FLRT2: variants seen among roughly 807,000 people sequenced by gnomAD.
FLRT2 encodes leucine-rich repeat transmembrane protein FLRT2.
Under a neutral mutation model 40.0 loss-of-function variants are expected in FLRT2, and 15 were observed. The observed-to-expected ratio is 0.38, with a 90% CI of 0.25 to 0.58. The LOEUF (loss-of-function observed/expected upper bound fraction) is 0.58, where lower values mean the gene tolerates loss of function less well. FLRT2 is among the 20% of genes least tolerant of loss of function. FLRT2 has a pLI of 0.71. For synonymous variants in FLRT2, 380 were observed against 336.8 expected, an observed-to-expected ratio of 1.13 and a Z score of -1.41; for missense variants, 726 against 840.0, an observed-to-expected ratio of 0.86 and a Z score of 1.68.
At chr14:85,599,066 C>T (rs1448184794) in intron 1 of FLRT2, among the ~76,000 whole-genome samples, 8 of 151,752 alleles carry the variant, frequency 5.3e-5, no homozygotes, top group Non-Finnish European at 1.2e-4. Context: ...TACAGGCTCC[C>T]GTCATCATGC....
chr14:85,575,240 G>A (rs757188404), intron 1 of FLRT2, among the ~76,000 whole-genome samples: 1 of 152,176 alleles, frequency 6.6e-6, no homozygotes, highest in Non-Finnish European at 1.5e-5. Flanking sequence ...GGGTGCTTTG[G>A]GGTGGAATGT....
Position 85,636,753 on chromosome 14 carries a change from A to C in FLRT2, c.*13256A>C, listed in dbSNP as rs1894013456. 6.6e-6 allele frequency: 1 copy of C among 151,882 alleles called. No homozygotes were observed. Among genetic ancestry groups the C allele is most frequent in the Non-Finnish European group, 1.5e-5 (1 of 67,986 alleles). The allele number at this position is 151,882 out of a possible 1,614,324, so 9.4% of individuals were successfully genotyped here. A position where few individuals can be genotyped will look rare whatever the true frequency, so the allele number is the denominator to read the frequency against. ...AGACTAGCTTGGCCAACATGGTGAAAGCCCGCCTTTACTAAAAATACAAAA... is the reference window on the plus strand; with the variant it reads ...AGACTAGCTTGGCCAACATGGTGAACGCCCGCCTTTACTAAAAATACAAAA... On this transcript the variant is annotated 3_prime_UTR_variant, in exon 2 of 2. Transcript: ENST00000330753.
In FLRT2 at chr14:85,636,219, G is replaced by A. The variant is rs759326891; in HGVS notation, c.*12722G>A. 8 of 151,694 alleles carry A rather than the reference G, an allele frequency of 5.3e-5. No individual in the cohort carries two copies. The highest frequency in any genetic ancestry group is 8.8e-5 in the Non-Finnish European group (6 of 67,910). The allele number at this position is 151,694 out of a possible 1,614,324, so 9.4% of individuals were successfully genotyped here. ...TTTTAAAGTTAGTTTTAAATATTAT[G>A]CTACCTCTATAAAGGACCAAAATAG... is the stretch of plus-strand genomic sequence containing the variant. On this transcript the variant is annotated 3_prime_UTR_variant, in exon 2 of 2. Transcript: ENST00000330753.
At chr14:85,584,547 G>T (rs1891530534) in intron 1 of FLRT2, among the ~76,000 whole-genome samples, 2 of 152,142 alleles carry the variant, frequency 1.3e-5, no homozygotes, top group Admixed American at 1.3e-4. Context: ...GTGTCTTTCA[G>T]GACATGACAG....
chr14:85,568,358 T>G (rs1172316226), intron 1 of FLRT2, among the ~76,000 whole-genome samples: 1 of 152,074 alleles, frequency 6.6e-6, no homozygotes, highest in African/African-American at 2.4e-5. Flanking sequence ...AAATGCTTAT[T>G]GTAAGGAGAG....
rs1566774313 is a variant in FLRT2 at position 85,643,188 on chromosome 14, TACAGTCCATA to T, written c.*19696_*19705del. The T allele has an allele frequency of 6.6e-6, 1 of 152,166 alleles. No homozygotes were observed. The highest frequency in any genetic ancestry group is 1.5e-5 in the Non-Finnish European group (1 of 68,046). The allele number at this position is 152,166 out of a possible 1,614,324, so 9.4% of individuals were successfully genotyped here. On this transcript the variant is annotated 3_prime_UTR_variant, in exon 2 of 2. Coordinates refer to ENST00000330753, the MANE Select transcript of FLRT2 (RefSeq NM_013231.6). ...TATGAAATTTAGGGGCACATAAATATACAGTCCATAACAGGGAGATAGGAACATTGGAGTA... is the reference window on the plus strand; with the variant it reads ...TATGAAATTTAGGGGCACATAAATATACAGGGAGATAGGAACATTGGAGTA...
intron 1 of FLRT2, among the ~76,000 whole-genome samples, chr14:85,563,592 A>G (rs955513582): frequency 2.0e-5 from 3 of 152,054 alleles, no homozygotes; most frequent in Admixed American, 1.3e-4. Context: ...TTAAAAAACC[A>G]GATCTCCCAA....
At chr14:85,547,909 G>A (rs576451640) in intron 1 of FLRT2, among the ~76,000 whole-genome samples, 1 of 152,192 alleles carries the variant, frequency 6.6e-6, no homozygotes, top group Non-Finnish European at 1.5e-5. Flanking sequence ...CAGATCATAG[G>A]TAGATGAGAG....
chr14:85,545,235 T>C (rs1170908253), intron 1 of FLRT2, among the ~76,000 whole-genome samples: 3 of 152,292 alleles, frequency 2.0e-5, no homozygotes, highest in Non-Finnish European at 4.4e-5. Context: ...TTAATAATGA[T>C]ATTGATCGTA....
chr14:85,585,473 T>C (rs964730305), intron 1 of FLRT2, among the ~76,000 whole-genome samples: 12 of 152,174 alleles, frequency 7.9e-5, no homozygotes, highest in African/African-American at 2.9e-4. Context: ...GTAAACCTTT[T>C]TATTTCTGAT....
intron 1 of FLRT2, among the ~76,000 whole-genome samples, chr14:85,616,064 G>T (rs1423278533): frequency 1.3e-5 from 2 of 152,116 alleles, no homozygotes; most frequent in African/African-American, 4.8e-5. Context: ...TTACAATAAA[G>T]TAGCCTGGAA....
chr14:85,540,412 A>G (rs1339000111), intron 1 of FLRT2, among the ~76,000 whole-genome samples: 1 of 152,120 alleles, frequency 6.6e-6, no homozygotes, highest in Non-Finnish European at 1.5e-5. Flanking sequence ...TGTTTTTACT[A>G]TTGTCAAATC....
At chr14:85,562,421 G>T (rs1460086733) in intron 1 of FLRT2, among the ~76,000 whole-genome samples, 1 of 152,076 alleles carries the variant, frequency 6.6e-6, no homozygotes, top group Non-Finnish European at 1.5e-5. Context: ...CCACATTTTG[G>T]CTGTGAAGAC....
At chr14:85,589,867 G>C (rs937159045) in intron 1 of FLRT2, among the ~76,000 whole-genome samples, 15 of 152,088 alleles carry the variant, frequency 9.9e-5, no homozygotes, top group African/African-American at 3.4e-4. Context: ...TGAAGAGACT[G>C]TCTTTTCCCC....
chr14:85,534,126 C>A (rs1888489964), intron 1 of FLRT2, among the ~76,000 whole-genome samples: 1 of 152,178 alleles, frequency 6.6e-6, no homozygotes, highest in South Asian at 2.1e-4. Flanking sequence ...CGGGGATGAG[C>A]ACCGAGCGCT....
chr14:85,604,821 T>A (rs570732122), intron 1 of FLRT2, among the ~76,000 whole-genome samples: 36 of 152,296 alleles, frequency 2.4e-4, no homozygotes, highest in South Asian at 1.2e-3. Flanking sequence ...AAATTAGTCT[T>A]TCCTGCTGTG....
chr14:85,601,008 T>C (rs574751489), intron 1 of FLRT2, among the ~76,000 whole-genome samples: 1 of 152,164 alleles, frequency 6.6e-6, no homozygotes, highest in Non-Finnish European at 1.5e-5. Context: ...TAGAAATAAA[T>C]AAGCCATTGG....
At chr14:85,557,736 G>C (rs1890057220) in intron 1 of FLRT2, among the ~76,000 whole-genome samples, 2 of 152,272 alleles carry the variant, frequency 1.3e-5, no homozygotes, top group South Asian at 4.1e-4. Flanking sequence ...AGAATTGCTT[G>C]AAGCCAGGAG....
At chr14:85,572,284 C>T (rs1037587288) in intron 1 of FLRT2, among the ~76,000 whole-genome samples, 5 of 152,134 alleles carry the variant, frequency 3.3e-5, no homozygotes, top group Non-Finnish European at 5.9e-5. Flanking sequence ...TTTTAACTCA[C>T]GGTGGTTCCC....
Sources: allele counts gnomAD v4.1 joint callset (sites outside exome capture counted in the v4.1 genomes callset), GRCh38; gene constraint gnomAD v4.1.1; transcripts MANE v1.5; gene names NCBI Gene and HGNC (gene_info 2026-07-23, HGNC 2026-07-21).